The following PPARGC1A variants were observed in gnomAD, a reference collection of about 807,000 sequenced individuals.
PPARGC1A encodes the protein PPARG coactivator 1 alpha, also known as peroxisome proliferator-activated receptor gamma coactivator 1-alpha.
PPARGC1A carries 25 observed loss-of-function variants against 88.7 expected under a neutral mutation model. The ratio of observed to expected loss-of-function variants is 0.28; its 90% CI spans 0.21 to 0.39. The LOEUF is 0.39. Among genes scored for constraint, PPARGC1A ranks in the 10% least tolerant of loss-of-function variants. The probability of loss-of-function intolerance (pLI) is 1.00; values close to 1 mark genes in which losing one functional copy is unlikely to be tolerated. For missense variants in PPARGC1A, 880 were observed against 968.7 expected, an observed-to-expected ratio of 0.91 and a Z score of 1.22; for synonymous variants, 363 against 355.6, an observed-to-expected ratio of 1.02 and a Z score of -0.24.
chr4:23,923,564 AAAAGAAAAAAG>A, the PPARGC1A span, among the ~76,000 whole-genome samples: 5 of 152,224 alleles, frequency 3.3e-5, no homozygotes, highest in Non-Finnish European at 7.3e-5. Flanking sequence ...AAAATGCAAA[AAAAGAAAAAAG>A]AAAGAAAGAA....
chr4:24,099,996 T>G, the PPARGC1A span, among the ~76,000 whole-genome samples: 1 of 139,722 alleles, frequency 7.2e-6, no homozygotes, highest in African/African-American at 2.6e-5. Flanking sequence ...GGGGGAGGGA[T>G]AGCACTAGGA....
chr4:23,830,511 T>C (rs1009865454), intron 3 of PPARGC1A, among the ~76,000 whole-genome samples: 6 of 152,136 alleles, frequency 3.9e-5, no homozygotes, highest in African/African-American at 9.7e-5. Context: ...AATGGAGAAA[T>C]TGGAGAATAA....
the PPARGC1A span, among the ~76,000 whole-genome samples, chr4:24,276,073 C>G: frequency 8.5e-4 from 129 of 152,276 alleles, no homozygotes; most frequent in African/African-American, 3.0e-3. Flanking sequence ...ACGCTTTTAG[C>G]CATCCAGGAA....
At chr4:24,276,018 T>C in the PPARGC1A span, among the ~76,000 whole-genome samples, 1 of 152,130 alleles carries the variant, frequency 6.6e-6, no homozygotes, top group African/African-American at 2.4e-5. Context: ...ACGGAAAGCA[T>C]AAATATAAAA....
chr4:23,958,562 T>C, the PPARGC1A span, among the ~76,000 whole-genome samples: 1 of 152,180 alleles, frequency 6.6e-6, no homozygotes, highest in African/African-American at 2.4e-5. Flanking sequence ...TTTGCCTTAA[T>C]GGTATCAATT....
At chr4:24,358,068 C>A in the PPARGC1A span, among the ~76,000 whole-genome samples, 1 of 152,156 alleles carries the variant, frequency 6.6e-6, no homozygotes, top group African/African-American at 2.4e-5. Flanking sequence ...CCAGGGATAT[C>A]ATACATATTA....
At chr4:24,376,506 G>A in the PPARGC1A span, among the ~76,000 whole-genome samples, 1 of 152,182 alleles carries the variant, frequency 6.6e-6, no homozygotes, top group Non-Finnish European at 1.5e-5. Context: ...TAAATTTTAT[G>A]AAATTCCAGT....
At chr4:24,202,473 T>G in the PPARGC1A span, among the ~76,000 whole-genome samples, 1 of 152,160 alleles carries the variant, frequency 6.6e-6, no homozygotes, top group African/African-American at 2.4e-5. Flanking sequence ...GCCTTGGTAC[T>G]CCCACTGTCC....
At chr4:23,853,917 C>A (rs561301309) in intron 2 of PPARGC1A, among the ~76,000 whole-genome samples, 34 of 152,230 alleles carry the variant, frequency 2.2e-4, no homozygotes, top group African/African-American at 7.9e-4. Flanking sequence ...GGACCTAGGG[C>A]AAGCTACTGA....
At chr4:24,290,210 T>C in the PPARGC1A span, among the ~76,000 whole-genome samples, 1 of 152,190 alleles carries the variant, frequency 6.6e-6, no homozygotes, top group Non-Finnish European at 1.5e-5. Context: ...CCTTCTTTTT[T>C]TTTTAAATTT....
intron 1 of PPARGC1A, among the ~76,000 whole-genome samples, chr4:23,885,406 A>C (rs939540017): frequency 6.6e-6 from 1 of 152,178 alleles, no homozygotes; most frequent in African/African-American, 2.4e-5. Context: ...CACTAGGAAA[A>C]ATTTTCTCCA....
At chr4:23,994,076 G>A in the PPARGC1A span, among the ~76,000 whole-genome samples, 1 of 152,162 alleles carries the variant, frequency 6.6e-6, no homozygotes, top group Non-Finnish European at 1.5e-5. Flanking sequence ...AGCCTGCTCA[G>A]ATATGCAGGC....
the PPARGC1A span, among the ~76,000 whole-genome samples, chr4:24,175,760 C>G: frequency 6.6e-6 from 1 of 151,574 alleles, no homozygotes; most frequent in Non-Finnish European, 1.5e-5. Context: ...TCCAACGTAA[C>G]CATAAATAAT....
At chr4:24,002,368 T>C in the PPARGC1A span, among the ~76,000 whole-genome samples, 1 of 152,092 alleles carries the variant, frequency 6.6e-6, no homozygotes, top group Non-Finnish European at 1.5e-5. Context: ...CCTCGAGATC[T>C]GCCCGCCTTG....
At chr4:23,887,689 A>G (rs974471916) in intron 1 of PPARGC1A, among the ~76,000 whole-genome samples, 1 of 152,238 alleles carries the variant, frequency 6.6e-6, no homozygotes, top group Non-Finnish European at 1.5e-5. Flanking sequence ...ATGAATCATT[A>G]TAATTAAGTA....
the PPARGC1A span, among the ~76,000 whole-genome samples, chr4:24,322,291 T>C: frequency 6.6e-6 from 1 of 152,236 alleles, no homozygotes. Flanking sequence ...AAGAGTATTT[T>C]TTAAAAAGAA....
At chr4:24,163,926 T>C in the PPARGC1A span, among the ~76,000 whole-genome samples, 1 of 152,210 alleles carries the variant, frequency 6.6e-6, no homozygotes, top group African/African-American at 2.4e-5. Flanking sequence ...TTACTGTTAA[T>C]TTAAATAAAC....
chr4:23,831,481 G>GTGAC, intron 3 of PPARGC1A, 76 bp downstream of exon 3: 1 of 1,320,796 alleles, frequency 7.6e-7, no homozygotes, highest in South Asian at 1.4e-5. Flanking sequence ...AAACCTTATT[G>GTGAC]TGACTACATC....
chr4:23,927,668 G>A, the PPARGC1A span, among the ~76,000 whole-genome samples: 687 of 152,060 alleles, frequency 4.5e-3, 8 homozygotes, highest in African/African-American at 0.015. Context: ...GCAGCCTGCT[G>A]TCTAGGCATT....
Sources: allele counts gnomAD v4.1 joint callset (sites outside exome capture counted in the v4.1 genomes callset), GRCh38; gene constraint gnomAD v4.1.1; transcripts MANE v1.5; gene names NCBI Gene and HGNC (gene_info 2026-07-23, HGNC 2026-07-21).